MCM3: variants seen among roughly 807,000 people sequenced by gnomAD.
The protein encoded by MCM3 is minichromosome maintenance complex component 3.
Under a neutral mutation model 91.3 loss-of-function variants are expected in MCM3, and 59 were observed. That is an observed-to-expected ratio of 0.65 (90% CI 0.52 to 0.80). The LOEUF is 0.80. Ranked by LOEUF, MCM3 falls within the 30% of genes least tolerant of loss-of-function variation. The pLI, the probability that MCM3 is intolerant of heterozygous loss-of-function variation, is 0.00. For missense variants in MCM3, 919 were observed against 1,035.4 expected (o/e 0.89, Z 1.54); for synonymous variants, 383 against 379.6 (o/e 1.01, Z -0.10).
chr6:52,267,351 C>T (rs577671734), intron 14 of MCM3, among the ~76,000 whole-genome samples: 5 of 152,166 alleles, frequency 3.3e-5, no homozygotes, highest in Admixed American at 1.3e-4. Flanking sequence ...CTGCCTCGGC[C>T]TCCCAAAGTG....
intron 5 of MCM3, 61 bp from the exon 6 acceptor site, chr6:52,278,911 T>A: frequency 1.6e-6 from 2 of 1,218,364 alleles, no homozygotes; most frequent in Non-Finnish European, 2.4e-6. Flanking sequence ...CAGTAGCTAG[T>A]ACCCCTAGCA....
chr6:52,268,478 G>C (rs953545344), intron 13 of MCM3, among the ~76,000 whole-genome samples: 1 of 152,142 alleles, frequency 6.6e-6, no homozygotes, highest in African/African-American at 2.4e-5. Flanking sequence ...AAAAAGCAAG[G>C]AAGAGTTTAT....
In MCM3 at chr6:52,264,735, C is replaced by A. The variant is rs140739013; in HGVS notation, c.2280G>T (p.Ala760=). 1.4e-5 allele frequency: 23 copies of A among 1,614,158 alleles called. No individual in the cohort carries two copies. The African/African-American group carries it at 2.4e-4, about 17-fold the overall frequency. The change falls in exon 17 of 17, where the codon GCG becomes GCT. Residue 760 remains alanine (A), a synonymous_variant. Transcript: ENST00000596288. ...TGAGGCGATTCATGCCGATTGACTG[C>A]GCATGAGCTTCCCGGAACACATCCA... ...ALLDVFREAH[A]QSIGMNRLTE...
chr6:52,279,555 G>A lies in MCM3; in HGVS notation c.576C>T (p.Val192=). 1.2e-6 allele frequency: 2 copies of A among 1,614,124 alleles called. No individual in the cohort carries two copies. The highest frequency in any genetic ancestry group is 4.5e-5 in the East Asian group (2 of 44,882). The change falls in exon 5 of 17, where the codon GTC becomes GTT. Residue 192 remains valine, a synonymous_variant. Transcript: ENST00000596288. The part of the protein sequence containing the change: ...NPLETEYGLS[V]YKDHQTITIQ... ...TGGTGATGGTCTGGTGATCCTTGTA[G>A]ACAGAAAGGCCATATTCTGTCTCAA...
At chr6:52,272,913 C>T (rs867263433) in intron 11 of MCM3, among the ~76,000 whole-genome samples, 1 of 152,326 alleles carries the variant, frequency 6.6e-6, no homozygotes. Context: ...TATCTGCTGA[C>T]CCTTCATCAC....
intron 1 of MCM3, among the ~76,000 whole-genome samples, chr6:52,284,287 G>A (rs1009577995): frequency 6.6e-6 from 1 of 152,224 alleles, no homozygotes; most frequent in African/African-American, 2.4e-5. Context: ...AATCAAGAGA[G>A]AGCAGTGAAA....
intron 11 of MCM3, among the ~76,000 whole-genome samples, 180 bp downstream of exon 11, chr6:52,273,050 C>G (rs1765264393): frequency 6.6e-6 from 1 of 152,234 alleles, no homozygotes; most frequent in African/African-American, 2.4e-5. Context: ...TACAAGGCAA[C>G]TGGCCAGGAT....
intron 1 of MCM3, among the ~76,000 whole-genome samples, chr6:52,283,833 A>G (rs1021504840): frequency 4.6e-5 from 7 of 152,250 alleles, no homozygotes; most frequent in Admixed American, 1.3e-4. Context: ...TAATCATTTC[A>G]CCATGTATAT....
chr6:52,268,937 G>GA, intron 13 of MCM3, 149 bp downstream of exon 13: 1 of 790,168 alleles, frequency 1.3e-6, no homozygotes, highest in Non-Finnish European at 2.0e-6. Context: ...TGTTTCAGAG[G>GA]AAAGAGTGAG....
At chr6:52,272,876 T>C (rs1166147045) in intron 11 of MCM3, among the ~76,000 whole-genome samples, 1 of 152,244 alleles carries the variant, frequency 6.6e-6, no homozygotes, top group Non-Finnish European at 1.5e-5. Context: ...CTTCACCAAG[T>C]CTACCTACAA....
At chr6:52,275,506 T>C (rs1423057064) in intron 9 of MCM3, among the ~76,000 whole-genome samples, 1 of 152,200 alleles carries the variant, frequency 6.6e-6, no homozygotes, top group Non-Finnish European at 1.5e-5. Flanking sequence ...TTAAAGAGGG[T>C]AATTTTGCAA....
chr6:52,284,565 C>G, intron 1 of MCM3, 32 bp downstream of exon 1: 1 of 1,569,536 alleles, frequency 6.4e-7, no homozygotes, highest in Admixed American at 1.8e-5. Flanking sequence ...GGGCTCCGAG[C>G]GCTAGAGCCC....
intron 10 of MCM3, 69 bp from the exon 11 acceptor site, chr6:52,273,425 T>C: frequency 5.9e-6 from 9 of 1,530,206 alleles, no homozygotes; most frequent in South Asian, 1.1e-5. Flanking sequence ...GCTTCTTCTA[T>C]AGCACAAGAA....
Position 52,273,375 on chromosome 6 carries a change from G to A in MCM3, c.1550-19C>T, listed in dbSNP as rs1244718134. The A allele has an allele frequency of 1.9e-6, 3 of 1,613,834 alleles. No homozygotes were observed. Among genetic ancestry groups the A allele is most frequent in the Admixed American group, 1.7e-5 (1 of 60,002 alleles). On this transcript the variant is annotated intron_variant, in intron 10 of 16. Transcript: ENST00000596288. ...GGCATAGCTGGTATACCCAAGTTAG[G>A]AGAAAGGAGAGTAATAAAGAGTTTA...
At chr6:52,266,975 G>T (rs996028420) in intron 14 of MCM3, among the ~76,000 whole-genome samples, 1 of 151,882 alleles carries the variant, frequency 6.6e-6, no homozygotes, top group Non-Finnish European at 1.5e-5. Context: ...GAATTTTGAA[G>T]TATATATTCA....
At chr6:52,278,679 T>C (rs1467451347) in intron 6 of MCM3, 63 bp downstream of exon 6, 4 of 1,101,268 alleles carry the variant, frequency 3.6e-6, no homozygotes, top group East Asian at 2.4e-5. Flanking sequence ...AAAATAGCCA[T>C]GCACCAAAAC....
intron 4 of MCM3, 83 bp from the exon 5 acceptor site, chr6:52,279,682 G>A: frequency 9.8e-7 from 1 of 1,023,486 alleles, no homozygotes; most frequent in Non-Finnish European, 1.4e-6. Context: ...CAAATAAGAT[G>A]ACTTCATAAA....
rs1394189734 is a variant in MCM3, at chr6:52,269,239, A to T, written c.1828-13T>A. 3 of 1,600,346 alleles carry T rather than the reference A, an allele frequency of 1.9e-6. No homozygotes were observed. Among genetic ancestry groups the T allele is most frequent in the Non-Finnish European group, 2.6e-6 (3 of 1,169,008 alleles). ...TAACTGGAGATGTCTAGGGAAGAAA[A>T]GGGAGGATTGCTTATCCCAAGTCTT... is the stretch of plus-strand genomic sequence containing the variant. On this transcript the variant is annotated splice_polypyrimidine_tract_variant and intron_variant, in intron 12 of 16. Coordinates refer to ENST00000596288, the MANE Select transcript of MCM3 (RefSeq NM_002388.6).
chr6:52,278,244 A>C (rs989973352), intron 6 of MCM3, among the ~76,000 whole-genome samples: 2 of 152,152 alleles, frequency 1.3e-5, no homozygotes, highest in Non-Finnish European at 2.9e-5. Flanking sequence ...TTAATCTTTA[A>C]GGGAAAAAAG....
Sources: allele counts gnomAD v4.1 joint callset (sites outside exome capture counted in the v4.1 genomes callset), GRCh38; gene constraint gnomAD v4.1.1; transcripts MANE v1.5; gene names NCBI Gene and HGNC (gene_info 2026-07-23, HGNC 2026-07-21).